MAST4: variants seen among roughly 807,000 people sequenced by gnomAD.
The protein encoded by MAST4 is microtubule associated serine/threonine kinase family member 4.
Under a neutral mutation model 162.7 loss-of-function variants are expected in MAST4, and 89 were observed. The ratio of observed to expected loss-of-function variants is 0.55; its 90% CI spans 0.46 to 0.65. MAST4 has a LOEUF of 0.65. MAST4 is among the 30% of genes least tolerant of loss of function. MAST4 has a pLI of 0.00. For synonymous variants in MAST4, 1,479 were observed against 1,361.1 expected, an observed-to-expected ratio of 1.09 and a Z score of -1.91; for missense variants, 3,153 against 3,374.0, an observed-to-expected ratio of 0.93 and a Z score of 1.62.
chr5:66,803,174 C>A (rs925397017), intron 3 of MAST4, among the ~76,000 whole-genome samples: 4 of 152,122 alleles, frequency 2.6e-5, no homozygotes, highest in African/African-American at 7.2e-5. Context: ...CATATCAGAG[C>A]AGATTTCTAA....
chr5:66,794,675 CT>C (rs1755565300), intron 3 of MAST4, among the ~76,000 whole-genome samples: 1 of 152,096 alleles, frequency 6.6e-6, no homozygotes, highest in African/African-American at 2.4e-5. Flanking sequence ...TGAAAAATAT[CT>C]TTCTAGAATT....
At chr5:66,666,991 A>G (rs1486147360) in intron 1 of MAST4, among the ~76,000 whole-genome samples, 4 of 152,178 alleles carry the variant, frequency 2.6e-5, no homozygotes, top group Non-Finnish European at 4.4e-5. Context: ...GGCGGCCTCT[A>G]CAGTGAGAGC....
chr5:67,096,212 A>C (rs1764453366), intron 7 of MAST4, among the ~76,000 whole-genome samples: 1 of 152,232 alleles, frequency 6.6e-6, no homozygotes, highest in African/African-American at 2.4e-5. Flanking sequence ...ATAAAGACAT[A>C]GTGGAATTAT....
intron 1 of MAST4, among the ~76,000 whole-genome samples, chr5:66,730,356 T>G (rs1751765517): frequency 6.6e-6 from 1 of 152,142 alleles, no homozygotes; most frequent in African/African-American, 2.4e-5. Flanking sequence ...AATAGGTAAT[T>G]CTTTTCTCAA....
At chr5:66,881,306 G>T (rs575323594) in intron 3 of MAST4, among the ~76,000 whole-genome samples, 2 of 152,272 alleles carry the variant, frequency 1.3e-5, no homozygotes, top group African/African-American at 2.4e-5. Context: ...TTCAGAACAT[G>T]CATAAGATAA....
At chr5:66,958,334 A>G (rs1561479492) in intron 4 of MAST4, among the ~76,000 whole-genome samples, 1 of 152,208 alleles carries the variant, frequency 6.6e-6, no homozygotes, top group African/African-American at 2.4e-5. Flanking sequence ...TTCATACACT[A>G]CAATGGAAGT....
At chr5:66,876,976 CAATT>C (rs1761347083) in intron 3 of MAST4, among the ~76,000 whole-genome samples, 1 of 152,184 alleles carries the variant, frequency 6.6e-6, no homozygotes, top group Non-Finnish European at 1.5e-5. Context: ...TAATGTCAAT[CAATT>C]AAAAGTACAC....
intron 1 of MAST4, among the ~76,000 whole-genome samples, chr5:66,666,053 G>A (rs1747236781): frequency 6.6e-6 from 1 of 152,188 alleles, no homozygotes. Context: ...ATTGGTTTAG[G>A]TCAGATCCGA....
intron 2 of MAST4, among the ~76,000 whole-genome samples, chr5:66,775,787 G>T (rs576546933): frequency 6.6e-6 from 1 of 151,986 alleles, no homozygotes; most frequent in Non-Finnish European, 1.5e-5. Context: ...TCAGAAGTAG[G>T]GACCTTTAAC....
chr5:66,777,628 A>C (rs1012327636), intron 2 of MAST4, among the ~76,000 whole-genome samples: 1 of 152,190 alleles, frequency 6.6e-6, no homozygotes, highest in African/African-American at 2.4e-5. Context: ...GGGGCAGTGA[A>C]CACATTTAGA....
chr5:66,769,057 G>T (rs1409264812), intron 2 of MAST4, among the ~76,000 whole-genome samples: 1 of 152,108 alleles, frequency 6.6e-6, no homozygotes, highest in Non-Finnish European at 1.5e-5. Flanking sequence ...TATAAATGTA[G>T]TAGGATTTCT....
chr5:66,753,666 A>G, intron 1 of MAST4, among the ~76,000 whole-genome samples: 1 of 151,514 alleles, frequency 6.6e-6, no homozygotes, highest in Non-Finnish European at 1.5e-5. Context: ...TCAATAGCTT[A>G]CCAACCAAAC....
Position 67,166,850 on chromosome 5 carries a change from A to C in MAST4, c.7671A>C (p.Val2557=), listed in dbSNP as rs369044704. 17 of 1,606,012 alleles carry C rather than the reference A, an allele frequency of 1.1e-5. No homozygotes were observed. In the African/African-American group the frequency reaches 1.9e-4, roughly 18 times the overall value. The stretch of plus-strand genomic sequence containing the variant: ...GGGCTCTCTCGGTGACTGCCACCGT[A>C]GGGGAAACCAAAGGGAAGGACCCTG... ...RDRALSVTAT[V]GETKGKDPAP... is the part of the protein sequence containing the mutation. The change falls in exon 29 of 29, where the codon GTA becomes GTC. Residue 2557 remains valine (V), a synonymous_variant. Coordinates refer to ENST00000403625, the MANE Select transcript of MAST4 (RefSeq NM_001164664.2).
intron 1 of MAST4, among the ~76,000 whole-genome samples, chr5:66,732,648 T>G (rs538580834): frequency 6.6e-6 from 1 of 152,336 alleles, no homozygotes; most frequent in South Asian, 2.1e-4. Context: ...ATTTGTTCTT[T>G]GAATGAAAAA....
In MAST4 at chr5:67,100,581, C is replaced by A. The variant is rs752760416; in HGVS notation, c.1059C>A (p.Ser353=). 6.2e-7 allele frequency: 1 copy of A among 1,613,854 alleles called. No individual in the cohort carries two copies. The highest frequency in any genetic ancestry group is 8.5e-7 in the Non-Finnish European group (1 of 1,179,828). Residue 353 remains serine, a synonymous_variant, in exon 8 of 29, where the codon TCC becomes TCA. Transcript: ENST00000403625. ...RCRNTPMRPR[S]RSLSPGRSPA... ...GGAACACGCCGATGCGCCCCCGTTC[C>A]CGAAGTCTGAGGTGTGTGGGCCTGG... is the stretch of plus-strand genomic sequence containing the variant.
At chr5:66,656,598 A>G (rs540321740) in intron 1 of MAST4, among the ~76,000 whole-genome samples, 1 of 152,174 alleles carries the variant, frequency 6.6e-6, no homozygotes, top group Non-Finnish European at 1.5e-5. Flanking sequence ...TCTAGATTCG[A>G]TTAAAAAAAC....
chr5:67,080,867 T>G (rs1224996589), intron 5 of MAST4, among the ~76,000 whole-genome samples: 1 of 148,588 alleles, frequency 6.7e-6, no homozygotes, highest in African/African-American at 2.5e-5. Flanking sequence ...AAAACTGGTT[T>G]GAACAAACAT....
chr5:66,756,294 A>G (rs1272815747), intron 1 of MAST4, among the ~76,000 whole-genome samples: 2 of 152,166 alleles, frequency 1.3e-5, no homozygotes, highest in Admixed American at 1.3e-4. Flanking sequence ...TTGGTGCATG[A>G]GGTAAGGACA....
intron 3 of MAST4, among the ~76,000 whole-genome samples, chr5:66,859,937 A>T (rs1759976550): frequency 6.6e-6 from 1 of 152,218 alleles, no homozygotes; most frequent in Non-Finnish European, 1.5e-5. Flanking sequence ...TGGTTTAAGT[A>T]GTTACTTGGA....
Sources: allele counts gnomAD v4.1 joint callset (sites outside exome capture counted in the v4.1 genomes callset), GRCh38; gene constraint gnomAD v4.1.1; transcripts MANE v1.5; gene names NCBI Gene and HGNC (gene_info 2026-07-23, HGNC 2026-07-21).